ERG: variants seen among roughly 807,000 people sequenced by gnomAD.
ERG encodes the protein ETS transcription factor ERG.
A neutral mutation model predicts 55.3 loss-of-function variants in ERG; 9 were observed. That is an observed-to-expected ratio of 0.16 (90% confidence interval 0.10 to 0.28). The LOEUF (loss-of-function observed/expected upper bound fraction) is 0.28, where lower values mean the gene tolerates loss of function less well. Ranked by LOEUF, ERG falls within the 10% of genes least tolerant of loss-of-function variation. The pLI is 1.00. For synonymous variants in ERG, 223 were observed against 237.3 expected (o/e 0.94, Z 0.55); for missense variants, 434 against 631.6 (o/e 0.69, Z 3.35).
At chr21:38,499,367 G>A (rs2059404145), upstream of ERG, among the ~76,000 whole-genome samples, 1 of 152,188 alleles carries the variant, frequency 6.6e-6, no homozygotes, top group Non-Finnish European at 1.5e-5. Flanking sequence ...TCTCCTCGAA[G>A]GAAGTACAGC....
intron 2 of ERG, among the ~76,000 whole-genome samples, chr21:38,565,329 G>A (rs905117063): frequency 2.6e-5 from 4 of 152,180 alleles, no homozygotes; most frequent in Non-Finnish European, 5.9e-5. Flanking sequence ...TTCAACCAAT[G>A]TAAATTATAC....
intron 1 of ERG, among the ~76,000 whole-genome samples, chr21:38,463,113 A>G (rs1168303312): frequency 6.6e-6 from 1 of 152,174 alleles, no homozygotes; most frequent in Non-Finnish European, 1.5e-5. Context: ...ATTAATGTTA[A>G]GGGCCACTTG....
chr21:38,566,466 A>G (rs904282020), intron 2 of ERG, among the ~76,000 whole-genome samples: 3 of 152,146 alleles, frequency 2.0e-5, no homozygotes, highest in Admixed American at 1.3e-4. Flanking sequence ...AAAACACTCA[A>G]CTACTGGGGG....
chr21:38,575,620 A>G, intron 2 of ERG: 2 of 1,465,230 alleles, frequency 1.4e-6, no homozygotes, highest in South Asian at 2.3e-5. Flanking sequence ...ACCTAGGCAC[A>G]GAGGAAGGCA....
upstream of ERG, among the ~76,000 whole-genome samples, chr21:38,585,527 C>T (rs1286488535): frequency 2.6e-5 from 1 of 38,310 alleles, no homozygotes; most frequent in East Asian, 9.0e-4. Flanking sequence ...GTCCCTCTCT[C>T]TCTTCTTTTT....
chr21:38,552,855 A>AAG (rs960293236), intron 2 of ERG, among the ~76,000 whole-genome samples: 4 of 151,792 alleles, frequency 2.6e-5, no homozygotes, highest in African/African-American at 9.7e-5. Context: ...AGAAAAAAAA[A>AAG]AAAAAGAAAC....
At chr21:38,648,590 G>A (rs538852584) in intron 1 of ERG, among the ~76,000 whole-genome samples, 3 of 152,276 alleles carry the variant, frequency 2.0e-5, no homozygotes, top group Admixed American at 1.3e-4. Flanking sequence ...AGATTGCACC[G>A]TGCTCATCGC....
chr21:38,506,021 G>T (rs372818249), intron 2 of ERG, among the ~76,000 whole-genome samples: 58 of 151,076 alleles, frequency 3.8e-4, no homozygotes, highest in Middle Eastern at 3.4e-3. Flanking sequence ...CAGAAATGGT[G>T]TTTTTTTTTG....
intron 1 of ERG, among the ~76,000 whole-genome samples, chr21:38,487,661 G>A (rs935027025): frequency 2.6e-5 from 4 of 152,184 alleles, no homozygotes; most frequent in Non-Finnish European, 5.9e-5. Flanking sequence ...AGAAGTGTCA[G>A]GAGGTAGCAC....
intron 2 of ERG, among the ~76,000 whole-genome samples, chr21:38,426,233 T>G (rs966409564): frequency 2.0e-5 from 3 of 152,252 alleles, no homozygotes; most frequent in African/African-American, 7.2e-5. Context: ...TTATTTCCTC[T>G]TGATGCTATT....
At chr21:38,483,690 T>TACAA (rs112392648) in intron 1 of ERG, among the ~76,000 whole-genome samples, 5,041 of 151,460 alleles carry the variant, frequency 0.033, 168 homozygotes, top group East Asian at 0.13. Context: ...CTACTAAAAA[T>TACAA]ACAAACAAAC....
chr21:38,590,004 T>C (rs923106365), intron 1 of ERG, among the ~76,000 whole-genome samples: 1 of 152,222 alleles, frequency 6.6e-6, no homozygotes, highest in Non-Finnish European at 1.5e-5. Flanking sequence ...GAGTATGCTC[T>C]TCAGTTCTAA....
At chr21:38,569,406 T>C (rs1449945730) in intron 2 of ERG, among the ~76,000 whole-genome samples, 1 of 152,232 alleles carries the variant, frequency 6.6e-6, no homozygotes, top group East Asian at 1.9e-4. Flanking sequence ...AGCTCCCACC[T>C]TTCCTTGCAG....
intron 2 of ERG, among the ~76,000 whole-genome samples, chr21:38,428,898 A>G (rs541926955): frequency 1.1e-4 from 16 of 152,198 alleles, no homozygotes; most frequent in African/African-American, 3.9e-4. Flanking sequence ...CTTTTTATTT[A>G]ATTTAAATAG....
intron 1 of ERG, among the ~76,000 whole-genome samples, chr21:38,463,576 G>A (rs1360447730): frequency 1.3e-5 from 2 of 152,226 alleles, no homozygotes; most frequent in Admixed American, 1.3e-4. Flanking sequence ...TCGACTGGAT[G>A]ACAGAAGAAG....
At chr21:38,413,981 G>A (rs916513898) in intron 3 of ERG, among the ~76,000 whole-genome samples, 1 of 152,054 alleles carries the variant, frequency 6.6e-6, no homozygotes, top group Non-Finnish European at 1.5e-5. Context: ...TAGGGCTGCC[G>A]TAACCAAGTA....
intron 3 of ERG, among the ~76,000 whole-genome samples, chr21:38,417,130 C>T (rs1989315273): frequency 6.6e-6 from 1 of 152,204 alleles, no homozygotes; most frequent in Admixed American, 6.5e-5. Context: ...TCGGTCATCT[C>T]CTCAGTGATT....
intron 1 of ERG, among the ~76,000 whole-genome samples, chr21:38,461,378 G>T (rs938053836): frequency 6.6e-6 from 1 of 152,080 alleles, no homozygotes; most frequent in Non-Finnish European, 1.5e-5. Flanking sequence ...CTCTGTAAAG[G>T]CCCTACCTCC....
intron 1 of ERG, among the ~76,000 whole-genome samples, chr21:38,590,755 G>A (rs2060095780): frequency 6.6e-6 from 1 of 152,118 alleles, no homozygotes; most frequent in Non-Finnish European, 1.5e-5. Flanking sequence ...GCCAAGCACT[G>A]AGCTAAACAC....
Sources: gnomAD v4.1 joint callset for allele counts (sites outside exome capture counted in the v4.1 genomes callset) on GRCh38, gnomAD v4.1.1 for gene constraint, MANE v1.5 for transcripts, NCBI Gene and HGNC (gene_info 2026-07-23, HGNC 2026-07-21) for gene names.